The following RNF180 variants were observed in gnomAD, a reference collection of about 807,000 sequenced individuals.
The protein encoded by RNF180 is ring finger protein 180.
A neutral mutation model predicts 59.2 loss-of-function variants in RNF180; 38 were observed. The observed-to-expected ratio is 0.64, with a 90% confidence interval of 0.50 to 0.84. The LOEUF is 0.84. Ranked by LOEUF, RNF180 falls within the 40% of genes least tolerant of loss-of-function variation. RNF180 has a pLI of 0.00. For synonymous variants in RNF180, 262 were observed against 240.3 expected, an observed-to-expected ratio of 1.09 and a Z score of -0.84; for missense variants, 705 against 700.9, an observed-to-expected ratio of 1.01 and a Z score of -0.07.
At chr5:64,340,082 T>C (rs1327777773) in intron 7 of RNF180, among the ~76,000 whole-genome samples, 7 of 152,168 alleles carry the variant, frequency 4.6e-5, no homozygotes, top group Admixed American at 1.3e-4. Flanking sequence ...CCAACTGATA[T>C]GGTTTCCATC....
Position 64,369,883 on chromosome 5 carries a change from A to G in RNF180, c.*69A>G. On this transcript the variant is annotated 3_prime_UTR_variant, in exon 8 of 8. Transcript: ENST00000389100. ...AATAACAATTGCTTAAACATTTTTA[A>G]ATGTGCTTTGAAGTTTTTTTAATGT... 1.1e-6 allele frequency: 1 copy of G among 928,844 alleles called. No individual in the cohort carries two copies. The highest frequency in any genetic ancestry group is 1.5e-6 in the Non-Finnish European group (1 of 659,724). The allele number at this position is 928,844 out of a possible 1,614,324, so 57.5% of individuals were successfully genotyped here.
intron 1 of RNF180, among the ~76,000 whole-genome samples, chr5:64,170,296 C>G (rs542171961): frequency 6.6e-6 from 1 of 152,324 alleles, no homozygotes; most frequent in African/African-American, 2.4e-5. Context: ...ACAATCCTGT[C>G]TTATGATACA....
At chr5:64,260,941 T>C in intron 5 of RNF180, among the ~76,000 whole-genome samples, 1 of 125,882 alleles carries the variant, frequency 7.9e-6, no homozygotes, top group East Asian at 2.3e-4. Context: ...CAGTTTCCTC[T>C]TTTTTTTTTT....
intron 5 of RNF180, among the ~76,000 whole-genome samples, chr5:64,251,819 C>A (rs1203231233): frequency 6.6e-6 from 1 of 151,916 alleles, no homozygotes; most frequent in East Asian, 1.9e-4. Context: ...ATCTGAAAAA[C>A]CAGTAAAAAC....
At chr5:64,317,485 A>G (rs1168431750) in intron 5 of RNF180, among the ~76,000 whole-genome samples, 4 of 151,640 alleles carry the variant, frequency 2.6e-5, no homozygotes, top group Non-Finnish European at 5.9e-5. Flanking sequence ...TTTTAAAGCA[A>G]TATCTGCAAA....
intron 5 of RNF180, among the ~76,000 whole-genome samples, chr5:64,243,514 G>T (rs1264707802): frequency 2.0e-5 from 3 of 152,216 alleles, no homozygotes; most frequent in Non-Finnish European, 2.9e-5. Context: ...CAAAGCTGCT[G>T]TAGCCAGACT....
intron 5 of RNF180, among the ~76,000 whole-genome samples, chr5:64,218,489 TTTG>T (rs1424931939): frequency 2.0e-5 from 3 of 152,212 alleles, no homozygotes; most frequent in African/African-American, 7.2e-5. Flanking sequence ...TGTCTGTGCT[TTTG>T]TTAGTACCCC....
At chr5:64,324,244 C>A (rs1744514613) in intron 5 of RNF180, among the ~76,000 whole-genome samples, 2 of 152,290 alleles carry the variant, frequency 1.3e-5, no homozygotes, top group African/African-American at 4.8e-5. Context: ...CTTCTCCTGG[C>A]AGCTCAGGGT....
At chr5:64,230,010 G>T (rs897319852) in intron 5 of RNF180, among the ~76,000 whole-genome samples, 7 of 152,126 alleles carry the variant, frequency 4.6e-5, no homozygotes, top group African/African-American at 1.7e-4. Flanking sequence ...AACATTTAAA[G>T]ATATTTTTGC....
chr5:64,290,246 T>TC (rs1468058768), intron 5 of RNF180, among the ~76,000 whole-genome samples: 16 of 152,142 alleles, frequency 1.1e-4, no homozygotes, highest in African/African-American at 3.9e-4. Flanking sequence ...TCTGAAAGAC[T>TC]GTTATGATTT....
chr5:64,279,317 AT>A (rs1346425337), intron 5 of RNF180, among the ~76,000 whole-genome samples: 1 of 152,152 alleles, frequency 6.6e-6, no homozygotes, highest in Non-Finnish European at 1.5e-5. Context: ...TAGCAATTTT[AT>A]TTTAATAGTG....
intron 6 of RNF180, among the ~76,000 whole-genome samples, chr5:64,327,649 C>T (rs1424425579): frequency 6.6e-6 from 1 of 152,120 alleles, no homozygotes; most frequent in African/African-American, 2.4e-5. Flanking sequence ...TTTGACATAA[C>T]TTCAAGTTTT....
chr5:64,298,946 G>A (rs1180288403), intron 5 of RNF180, among the ~76,000 whole-genome samples: 1 of 151,974 alleles, frequency 6.6e-6, no homozygotes, highest in African/African-American at 2.4e-5. Flanking sequence ...GTCCAAATCA[G>A]TGGCCTCCCA....
intron 5 of RNF180, among the ~76,000 whole-genome samples, chr5:64,307,973 A>C (rs944064589): frequency 4.6e-5 from 7 of 151,750 alleles, no homozygotes; most frequent in Non-Finnish European, 8.8e-5. Context: ...ATGAATCTTT[A>C]ATTGGACTTC....
chr5:64,169,844 T>C (rs1172287531), intron 1 of RNF180, among the ~76,000 whole-genome samples: 7 of 152,242 alleles, frequency 4.6e-5, no homozygotes, highest in Non-Finnish European at 1.5e-5. Flanking sequence ...GAATCTTCTA[T>C]AGAGGCTATT....
intron 5 of RNF180, among the ~76,000 whole-genome samples, chr5:64,317,564 A>T (rs1228704644): frequency 1.3e-5 from 1 of 77,216 alleles, no homozygotes; most frequent in Non-Finnish European, 2.8e-5. Flanking sequence ...ATATATACAC[A>T]TACATATATA....
At chr5:64,224,724 C>G (rs1741572508) in intron 5 of RNF180, among the ~76,000 whole-genome samples, 1 of 152,186 alleles carries the variant, frequency 6.6e-6, no homozygotes. Flanking sequence ...TGCTGTCTTT[C>G]CCAAGTGCTG....
intron 5 of RNF180, among the ~76,000 whole-genome samples, chr5:64,279,237 A>G (rs1297839295): frequency 2.0e-5 from 3 of 152,206 alleles, no homozygotes; most frequent in African/African-American, 7.2e-5. Context: ...AATGCTGCAG[A>G]ATTATTGAGT....
At chr5:64,228,199 A>G (rs971637502) in intron 5 of RNF180, among the ~76,000 whole-genome samples, 3 of 152,180 alleles carry the variant, frequency 2.0e-5, no homozygotes, top group African/African-American at 7.2e-5. Context: ...AACTGAAAAT[A>G]TATGTAAGCA....
Sources: allele counts gnomAD v4.1 joint callset (sites outside exome capture counted in the v4.1 genomes callset), GRCh38; gene constraint gnomAD v4.1.1; transcripts MANE v1.5; gene names NCBI Gene and HGNC (gene_info 2026-07-23, HGNC 2026-07-21).